The following EML4 variants were observed in gnomAD, a reference collection of about 807,000 sequenced individuals.
EML4 encodes echinoderm microtubule-associated protein-like 4.
In EML4, 72 loss-of-function variants were observed where a neutral mutation model predicts 129.0. The ratio of observed to expected loss-of-function variants is 0.56; its 90% confidence interval spans 0.46 to 0.68. The LOEUF is 0.68. EML4 is among the 30% of genes least tolerant of loss of function. EML4 has a pLI of 0.00. For synonymous variants in EML4, 532 were observed against 405.0 expected, an observed-to-expected ratio of 1.31 and a Z score of -3.77; for missense variants, 1,363 against 1,190.6, an observed-to-expected ratio of 1.14 and a Z score of -2.13.
intron 8 of EML4, 34 bp downstream of exon 8, chr2:42,283,006 C>G (rs1667096811): frequency 6.5e-7 from 1 of 1,531,590 alleles, no homozygotes; most frequent in African/African-American, 1.4e-5. Flanking sequence ...CATTTTTGTT[C>G]TTTCAGGCCC....
intron 1 of EML4, among the ~76,000 whole-genome samples, chr2:42,185,006 T>C (rs1671166817): frequency 6.6e-6 from 1 of 152,212 alleles, no homozygotes; most frequent in African/African-American, 2.4e-5. Flanking sequence ...CTTTTTGTTT[T>C]TATGTAATCT....
At chr2:42,305,620 A>G (rs1668555713) in intron 17 of EML4, among the ~76,000 whole-genome samples, 1 of 152,216 alleles carries the variant, frequency 6.6e-6, no homozygotes, top group Non-Finnish European at 1.5e-5. Flanking sequence ...ACCTAAGGTT[A>G]ACATGTTTAT....
At chr2:42,313,248 G>A (rs554803590) in intron 17 of EML4, among the ~76,000 whole-genome samples, 5 of 152,170 alleles carry the variant, frequency 3.3e-5, no homozygotes, top group East Asian at 3.9e-4. Context: ...GAGCCACCGC[G>A]CCTGGCTAAA....
chr2:42,222,514 G>T (rs1177291371), intron 1 of EML4, among the ~76,000 whole-genome samples: 1 of 152,200 alleles, frequency 6.6e-6, no homozygotes, highest in East Asian at 1.9e-4. Flanking sequence ...CTTTTGTGCT[G>T]CCACAGCAGA....
In EML4 at chr2:42,301,190, A is replaced by G. The variant is rs1268180769; in HGVS notation, c.1490-51A>G. The stretch of plus-strand genomic sequence containing the variant: ...AAGTTTTCTTCCAAATAGACACTAA[A>G]ATCTGAAGAAAAGTATTATCACTAG... On this transcript the variant is annotated intron_variant, in intron 13 of 22. Transcript: ENST00000318522. 4.6e-6 allele frequency: 7 copies of G among 1,529,962 alleles called. No individual in the cohort carries two copies. In the South Asian group the frequency reaches 8.4e-5, roughly 18 times the overall value. The allele number at this position is 1,529,962 out of a possible 1,614,324, so 94.8% of individuals were successfully genotyped here.
At chr2:42,229,213 T>G (rs1674168535) in intron 1 of EML4, among the ~76,000 whole-genome samples, 1 of 152,174 alleles carries the variant, frequency 6.6e-6, no homozygotes, top group South Asian at 2.1e-4. Flanking sequence ...ATTTCACTAT[T>G]TGTTGTTTTT....
At chr2:42,203,044 G>T (rs998801714) in intron 1 of EML4, among the ~76,000 whole-genome samples, 8 of 151,936 alleles carry the variant, frequency 5.3e-5, no homozygotes, top group South Asian at 2.1e-4. Context: ...ATAATAAGAA[G>T]AAGAATATAT....
intron 1 of EML4, among the ~76,000 whole-genome samples, chr2:42,244,482 C>T (rs1030053616): frequency 6.6e-6 from 1 of 152,172 alleles, no homozygotes; most frequent in African/African-American, 2.4e-5. Flanking sequence ...TTTGCAAGTC[C>T]TTTGTAATTG....
At position 42,169,457 on chromosome 2, in the gene EML4, C is replaced by T. The variant is rs1670116801; in HGVS notation, c.-155C>T. 2.4e-6 allele frequency: 2 copies of T among 826,848 alleles called. No individual in the cohort carries two copies. Among genetic ancestry groups the T allele is most frequent in the South Asian group, 1.7e-5 (1 of 57,572 alleles). 51.2% of individuals were successfully genotyped at this position (826,848 alleles called of 1,614,324 possible). ...GTTCGGGCGGCCGCGGCTTACTACC[C>T]CAGGGCGAACGGACGGACGACGGAG... On this transcript the variant is annotated 5_prime_UTR_variant, in exon 1 of 23. Transcript: ENST00000318522.
At chr2:42,329,120 C>A in intron 22 of EML4, 104 bp downstream of exon 22, 1 of 1,161,022 alleles carries the variant, frequency 8.6e-7, no homozygotes, top group Non-Finnish European at 1.2e-6. Context: ...CTCCATGATA[C>A]TCCAGTGCAC....
intron 1 of EML4, among the ~76,000 whole-genome samples, chr2:42,200,519 A>G (rs1451295094): frequency 6.6e-6 from 1 of 152,178 alleles, no homozygotes; most frequent in African/African-American, 2.4e-5. Context: ...ATTTAATTCA[A>G]CAAATGCTGA....
At chr2:42,289,438 G>C (rs573119889) in intron 11 of EML4, 1 of 151,604 alleles carries the variant, frequency 6.6e-6, no homozygotes, top group Non-Finnish European at 1.5e-5. Context: ...GCTGAGTCCC[G>C]TATCAGTTAT....
At chr2:42,312,420 A>G (rs888762566) in intron 17 of EML4, among the ~76,000 whole-genome samples, 1 of 152,204 alleles carries the variant, frequency 6.6e-6, no homozygotes, top group Non-Finnish European at 1.5e-5. Context: ...CTTAAGTCTG[A>G]TAAGAAACAT....
intron 8 of EML4, among the ~76,000 whole-genome samples, chr2:42,283,559 G>C (rs1340924461): frequency 1.3e-5 from 2 of 151,762 alleles, no homozygotes; most frequent in Non-Finnish European, 2.9e-5. Flanking sequence ...TCCCCACTTA[G>C]ATCCAAGGAC....
chr2:42,183,014 G>C (rs114548588), intron 1 of EML4, among the ~76,000 whole-genome samples: 5,012 of 152,216 alleles, frequency 0.033, 131 homozygotes, highest in Non-Finnish European at 0.044. Flanking sequence ...AAATTAGCCA[G>C]GCATGGTGGT....
chr2:42,245,483 C>A, intron 1 of EML4, 22 bp from the exon 2 acceptor site: 1 of 1,523,214 alleles, frequency 6.6e-7, no homozygotes, highest in Non-Finnish European at 9.0e-7. Flanking sequence ...AAAAATATTC[C>A]ATATTTTATT....
intron 11 of EML4, among the ~76,000 whole-genome samples, chr2:42,294,140 A>AATG (rs1358909953): frequency 6.6e-6 from 1 of 152,244 alleles, no homozygotes; most frequent in Non-Finnish European, 1.5e-5. Flanking sequence ...ACTGTTTTAG[A>AATG]ATGATATCCT....
At chr2:42,221,427 T>TTTTTTTTTTTTTTTTTTA (rs1673589875) in intron 1 of EML4, among the ~76,000 whole-genome samples, 1 of 132,506 alleles carries the variant, frequency 7.5e-6, no homozygotes, top group African/African-American at 3.0e-5. Flanking sequence ...TTTTTTTTTT[T>TTTTTTTTTTTTTTTTTTA]GAGACAGGAC....
Position 42,280,871 on chromosome 2 carries a change from T to A in EML4, c.689T>A (p.Phe230Tyr). 6.2e-7 allele frequency: 1 copy of A among 1,611,374 alleles called. No individual in the cohort carries two copies. The highest frequency in any genetic ancestry group is 8.5e-7 in the Non-Finnish European group (1 of 1,178,862). Residue 230 changes from phenylalanine (F) to tyrosine (Y), a missense_variant, in exon 7 of 23, where the codon TTT becomes TAT. Physicochemically the swap from Phe to Tyr is conservative, Grantham distance 22 (BLOSUM62 3). Transcript: ENST00000318522. ...INQEGEYIKM[F>Y]MRGRPITMFI... ...ACAGAAGGAGAATATATTAAAATGT[T>A]TATGCGCGGTCGGCCAATTACCATG...
Sources: gnomAD v4.1 joint callset for allele counts (sites outside exome capture counted in the v4.1 genomes callset) on GRCh38, gnomAD v4.1.1 for gene constraint, MANE v1.5 for transcripts, NCBI Gene and HGNC (gene_info 2026-07-23, HGNC 2026-07-21) for gene names.